The following CACNA2D3 variants were observed in gnomAD, a reference collection of about 807,000 sequenced individuals.
The protein encoded by CACNA2D3 is calcium voltage-gated channel auxiliary subunit alpha2delta 3.
A neutral mutation model predicts 160.6 loss-of-function variants in CACNA2D3; 60 were observed. The observed-to-expected ratio is 0.37, with a 90% CI of 0.30 to 0.46. The LOEUF is 0.46. Ranked by LOEUF, CACNA2D3 falls within the 20% of genes least tolerant of loss-of-function variation. The pLI is 1.00. For synonymous variants in CACNA2D3, 558 were observed against 492.9 expected, an observed-to-expected ratio of 1.13 and a Z score of -1.75; for missense variants, 1,205 against 1,365.0, an observed-to-expected ratio of 0.88 and a Z score of 1.85.
At chr3:54,834,229 T>G (rs1385339395) in intron 14 of CACNA2D3, among the ~76,000 whole-genome samples, 1 of 152,260 alleles carries the variant, frequency 6.6e-6, no homozygotes, top group Non-Finnish European at 1.5e-5. Context: ...CTCATTATTG[T>G]CAATGGTATG....
intron 2 of CACNA2D3, among the ~76,000 whole-genome samples, chr3:54,260,765 C>T (rs769057343): frequency 1.3e-5 from 2 of 152,002 alleles, no homozygotes; most frequent in African/African-American, 4.8e-5. Flanking sequence ...AGGAGTTTGA[C>T]TCTCACAATC....
chr3:54,614,180 T>C (rs538480269), intron 9 of CACNA2D3, among the ~76,000 whole-genome samples: 1 of 152,332 alleles, frequency 6.6e-6, no homozygotes, highest in East Asian at 1.9e-4. Flanking sequence ...GAGTCTTTGG[T>C]AGCAAAGATG....
At chr3:54,126,209 A>AT (rs930185396) in intron 2 of CACNA2D3, among the ~76,000 whole-genome samples, 14 of 152,198 alleles carry the variant, frequency 9.2e-5, no homozygotes, top group African/African-American at 3.4e-4. Flanking sequence ...AAGTTTAGTC[A>AT]TTTTTGCACT....
chr3:55,073,843 A>G lies in CACNA2D3; in HGVS notation c.3167A>G (p.His1056Arg). The G allele has an allele frequency of 1.2e-6, 2 of 1,613,634 alleles. No individual in the cohort carries two copies. The highest frequency in any genetic ancestry group is 1.7e-6 in the Non-Finnish European group (2 of 1,179,644). The change falls in exon 37 of 38, where the codon CAT becomes CGT. Residue 1056 changes from histidine to arginine, a missense_variant. His to Arg is a conservative substitution (Grantham distance 29). Transcript: ENST00000474759. ...QKIRRRPESC[H>R]GFHPEENARE... is the part of the protein sequence containing the mutation. ...ATCAGAAGGCGCCCAGAATCTTGTC[A>G]TGGCTTCCATCCTGAGGTAAGTCTG...
intron 11 of CACNA2D3, among the ~76,000 whole-genome samples, chr3:54,715,298 G>A (rs1323569588): frequency 1.3e-5 from 2 of 152,136 alleles, no homozygotes; most frequent in Non-Finnish European, 2.9e-5. Flanking sequence ...ACAGCCAGAT[G>A]GTAGAGATGC....
intron 2 of CACNA2D3, among the ~76,000 whole-genome samples, chr3:54,167,590 G>C (rs1229410467): frequency 1.3e-5 from 2 of 152,216 alleles, no homozygotes; most frequent in Non-Finnish European, 2.9e-5. Context: ...GTAGTGCAAA[G>C]CCAACTTTTA....
chr3:54,473,528 G>T (rs995591813), intron 4 of CACNA2D3, among the ~76,000 whole-genome samples: 1 of 152,060 alleles, frequency 6.6e-6, no homozygotes, highest in Non-Finnish European at 1.5e-5. Flanking sequence ...CCAAAATTGA[G>T]AAATGAGATC....
chr3:54,838,552 T>C lies in CACNA2D3; in HGVS notation c.1471-16T>C, dbSNP rs1378901725. On this transcript the variant is annotated splice_polypyrimidine_tract_variant and intron_variant, in intron 15 of 37. Transcript: ENST00000474759. ...TTAACTTACTGTTATTATAATTCAA[T>C]GTTTATTTTCGACAGAGATCGAAGG... The C allele has an allele frequency of 1.3e-6, 2 of 1,595,432 alleles. No homozygotes were observed. The highest frequency in any genetic ancestry group is 1.7e-6 in the Non-Finnish European group (2 of 1,162,990).
intron 10 of CACNA2D3, among the ~76,000 whole-genome samples, chr3:54,636,079 G>T (rs1316922632): frequency 6.6e-6 from 1 of 151,912 alleles, no homozygotes; most frequent in African/African-American, 2.4e-5. Flanking sequence ...CTGAGGAGTA[G>T]TAGAATAGCA....
At chr3:54,410,997 A>C (rs922278219) in intron 4 of CACNA2D3, among the ~76,000 whole-genome samples, 5 of 152,230 alleles carry the variant, frequency 3.3e-5, no homozygotes, top group African/African-American at 1.2e-4. Flanking sequence ...GATGTCTTTG[A>C]GGGGTTCAAG....
rs145840869 is a variant in CACNA2D3 at position 54,919,024 on chromosome 3, G to T, written c.2449+19156G>T. The T allele has an allele frequency of 4.4e-3, 3,009 of 682,484 alleles. 70 individuals are homozygous for T. Among genetic ancestry groups the T allele is most frequent in the African/African-American group, 0.038 (2,078 of 54,808 alleles). The allele number at this position is 682,484 out of a possible 1,614,324, so 42.3% of individuals were successfully genotyped here. ...TTTTTTTTTAAATCCTGGAGTCAAA[G>T]AATTTAACAACCATATTTTATGATT... is the stretch of plus-strand genomic sequence containing the variant. On this transcript the variant is annotated intron_variant, in intron 27 of 37. Coordinates refer to ENST00000474759, the MANE Select transcript of CACNA2D3 (RefSeq NM_018398.3).
intron 4 of CACNA2D3, 50 bp from the exon 5 acceptor site, chr3:54,503,442 C>T (rs1336354878): frequency 6.4e-7 from 1 of 1,573,982 alleles, no homozygotes; most frequent in Admixed American, 1.7e-5. Context: ...AGTGAGTTCA[C>T]AGCCCTCTTC....
chr3:54,585,130 A>G (rs1702737946), intron 9 of CACNA2D3, among the ~76,000 whole-genome samples: 1 of 152,244 alleles, frequency 6.6e-6, no homozygotes, highest in Non-Finnish European at 1.5e-5. Flanking sequence ...CCTAATTCTC[A>G]GACAATTCTT....
chr3:54,712,790 G>A lies in CACNA2D3; in HGVS notation c.1168-39809G>A, dbSNP rs370220626. Among the ~76,000 whole-genome samples the A allele has an allele frequency of 1.1e-4, 16 of 152,278 alleles. No homozygotes were observed. In the South Asian group the frequency reaches 1.5e-3, roughly 14 times the overall value. ...CCATCTGCAAAGCCCAGCCACAGCC[G>A]GCTTAGTCTATCTTGCACGGCAGCA... On this transcript the variant is annotated intron_variant, in intron 11 of 37. Transcript: ENST00000474759.
At chr3:54,583,212 C>T (rs1702707137) in intron 9 of CACNA2D3, among the ~76,000 whole-genome samples, 1 of 152,086 alleles carries the variant, frequency 6.6e-6, no homozygotes, top group Non-Finnish European at 1.5e-5. Flanking sequence ...CAACGTTAAA[C>T]AGAACAAGCA....
chr3:54,372,047 C>A (rs1698934094), intron 3 of CACNA2D3, among the ~76,000 whole-genome samples: 1 of 152,110 alleles, frequency 6.6e-6, no homozygotes, highest in Non-Finnish European at 1.5e-5. Context: ...TCCAAATAAT[C>A]CTGACCTAGG....
chr3:54,726,566 A>C (rs1701281304), intron 11 of CACNA2D3, among the ~76,000 whole-genome samples: 1 of 152,216 alleles, frequency 6.6e-6, no homozygotes, highest in African/African-American at 2.4e-5. Flanking sequence ...CAAAACAGAG[A>C]TATAGACCAA....
intron 4 of CACNA2D3, among the ~76,000 whole-genome samples, chr3:54,401,015 C>A (rs1699451913): frequency 6.6e-6 from 1 of 151,948 alleles, no homozygotes; most frequent in Non-Finnish European, 1.5e-5. Flanking sequence ...AATTCATGAT[C>A]TGAATGATAA....
rs62254474 is a variant in CACNA2D3 at position 54,736,103 on chromosome 3, A to G, written c.1168-16496A>G. Among the ~76,000 whole-genome samples the G allele has an allele frequency of 2.2e-3, 45 of 20,298 alleles. 1 individual carries two copies. The highest frequency in any genetic ancestry group is 5.7e-3 in the African/African-American group (40 of 7,072). The allele number at this position is 20,298 out of a possible 152,430, so 13.3% of individuals were successfully genotyped here. On this transcript the variant is annotated intron_variant, in intron 11 of 37. Coordinates refer to ENST00000474759, the MANE Select transcript of CACNA2D3 (RefSeq NM_018398.3). ...TATATGTATGTGTATATATATACAT[A>G]TATATGTATATATATACATATATAT...
Sources: gnomAD v4.1 joint callset for allele counts (sites outside exome capture counted in the v4.1 genomes callset) on GRCh38, gnomAD v4.1.1 for gene constraint, MANE v1.5 for transcripts, NCBI Gene and HGNC (gene_info 2026-07-23, HGNC 2026-07-21) for gene names.